The following XPR1 variants were observed in gnomAD, a reference collection of about 807,000 sequenced individuals.
XPR1 encodes xenotropic and polytropic retrovirus receptor 1, also known as solute carrier family 53 member 1.
A neutral mutation model predicts 87.5 loss-of-function variants in XPR1; 28 were observed. The observed-to-expected ratio is 0.32, with a 90% CI of 0.24 to 0.44. The LOEUF (loss-of-function observed/expected upper bound fraction) is 0.44, where lower values mean the gene tolerates loss of function less well. Among genes scored for constraint, XPR1 ranks in the 20% least tolerant of loss-of-function variants. The pLI is 1.00. For synonymous variants in XPR1, 300 were observed against 306.1 expected (o/e 0.98, Z 0.21); for missense variants, 559 against 862.3 (o/e 0.65, Z 4.41).
chr1:180,710,312 A>G (rs1657718768), intron 2 of XPR1, among the ~76,000 whole-genome samples: 1 of 151,764 alleles, frequency 6.6e-6, no homozygotes, highest in African/African-American at 2.4e-5. Context: ...ACAAGTGAAC[A>G]AAGGTCTCTG....
intron 2 of XPR1, among the ~76,000 whole-genome samples, chr1:180,695,056 T>C (rs1657117976): frequency 6.6e-6 from 1 of 152,158 alleles, no homozygotes; most frequent in African/African-American, 2.4e-5. Flanking sequence ...TCAGCAGTAT[T>C]GTTATTTTTG....
intron 1 of XPR1, among the ~76,000 whole-genome samples, chr1:180,654,815 GT>G (rs2101907758): frequency 6.6e-6 from 1 of 152,120 alleles, no homozygotes; most frequent in East Asian, 1.9e-4. Context: ...TTGCCTTCAT[GT>G]TTAGCTATTG....
chr1:180,721,959 G>T (rs974359996), intron 2 of XPR1, among the ~76,000 whole-genome samples: 7 of 152,060 alleles, frequency 4.6e-5, no homozygotes, highest in African/African-American at 1.4e-4. Flanking sequence ...TAAGTTTTTG[G>T]AGAGTCAAAA....
At chr1:180,769,045 T>G (rs1319847735) in intron 2 of XPR1, among the ~76,000 whole-genome samples, 1 of 151,848 alleles carries the variant, frequency 6.6e-6, no homozygotes, top group Non-Finnish European at 1.5e-5. Flanking sequence ...TCAAATTGTC[T>G]GCAGCAAAAA....
rs149930414 is a variant in XPR1 at position 180,873,904 on chromosome 1, C to T, written c.1770C>T (p.Asp590=). ...CAACTTTGTTGCCTCATTCTGGGGA[C>T]ATCATTGCTACTGTCTTTGCCCCAC... ...TSTTLLPHSG[D]IIATVFAPLE... is the part of the protein sequence containing the mutation. Residue 590 remains aspartate, a synonymous_variant, in exon 13 of 15, where the codon GAC becomes GAT. Transcript: ENST00000367590. 2 of 1,614,070 alleles carry T rather than the reference C, an allele frequency of 1.2e-6. No individual in the cohort carries two copies. The highest frequency in any genetic ancestry group is 4.5e-5 in the East Asian group (2 of 44,872).
intron 3 of XPR1, among the ~76,000 whole-genome samples, chr1:180,796,204 G>T (rs1649569098): frequency 6.6e-6 from 1 of 152,104 alleles, no homozygotes. Flanking sequence ...CAGGTTCTGT[G>T]CAGTCCCATG....
chr1:180,756,656 C>A (rs1647760740), intron 2 of XPR1, among the ~76,000 whole-genome samples: 2 of 152,132 alleles, frequency 1.3e-5, no homozygotes, highest in South Asian at 4.2e-4. Context: ...ATTTTTCTTT[C>A]ATTCATTGTG....
chr1:180,671,988 C>G (rs1656197377), intron 1 of XPR1, among the ~76,000 whole-genome samples: 1 of 152,022 alleles, frequency 6.6e-6, no homozygotes, highest in Non-Finnish European at 1.5e-5. Flanking sequence ...AGAAATAAAG[C>G]CTTAAGAAGA....
At chr1:180,830,217 C>T (rs546045525) in intron 9 of XPR1, among the ~76,000 whole-genome samples, 1 of 152,290 alleles carries the variant, frequency 6.6e-6, no homozygotes, top group South Asian at 2.1e-4. Flanking sequence ...ATCCTACAGT[C>T]CCCCTCTTCC....
intron 9 of XPR1, among the ~76,000 whole-genome samples, chr1:180,831,662 G>A (rs935318360): frequency 6.7e-6 from 1 of 148,426 alleles, no homozygotes; most frequent in African/African-American, 2.5e-5. Flanking sequence ...TTTTGTGTTT[G>A]TGTGTTAGTT....
chr1:180,697,606 A>C (rs1211214425), intron 2 of XPR1, among the ~76,000 whole-genome samples: 1 of 151,974 alleles, frequency 6.6e-6, no homozygotes, highest in African/African-American at 2.4e-5. Context: ...TTTCCTCAGC[A>C]CTGTTTTAAC....
chr1:180,809,545 A>G (rs1650134804), intron 6 of XPR1, among the ~76,000 whole-genome samples: 1 of 152,218 alleles, frequency 6.6e-6, no homozygotes, highest in African/African-American at 2.4e-5. Context: ...TACTTTAAGT[A>G]TGTGCAATTT....
chr1:180,716,326 T>C (rs1657994279), intron 2 of XPR1, among the ~76,000 whole-genome samples: 1 of 151,842 alleles, frequency 6.6e-6, no homozygotes, highest in African/African-American at 2.4e-5. Context: ...TCGCCTCAGG[T>C]GATCCTCCTG....
intron 1 of XPR1, among the ~76,000 whole-genome samples, chr1:180,656,366 ATAT>A (rs1655472164): frequency 9.2e-6 from 1 of 108,740 alleles, no homozygotes; most frequent in African/African-American, 3.4e-5. Flanking sequence ...TATATATATA[ATAT>A]TTATATATAA....
intron 2 of XPR1, among the ~76,000 whole-genome samples, chr1:180,748,862 T>C (rs1004230107): frequency 2.6e-5 from 4 of 152,186 alleles, no homozygotes; most frequent in Admixed American, 2.0e-4. Context: ...TTGGCAAATA[T>C]GCAAATCACA....
chr1:180,690,877 A>G (rs1020082469), intron 2 of XPR1, among the ~76,000 whole-genome samples: 6 of 151,720 alleles, frequency 4.0e-5, no homozygotes, highest in Non-Finnish European at 5.9e-5. Flanking sequence ...TGTACTGTTT[A>G]TAAAAAAAGG....
At chr1:180,738,237 C>G (rs932648816) in intron 2 of XPR1, among the ~76,000 whole-genome samples, 1 of 152,116 alleles carries the variant, frequency 6.6e-6, no homozygotes, top group African/African-American at 2.4e-5. Context: ...GTCTCAAACT[C>G]CTGAACTCAA....
intron 2 of XPR1, among the ~76,000 whole-genome samples, chr1:180,748,400 CTTTTTTTTTTTTTTTTT>C (rs71297873): frequency 0.03 from 883 of 29,740 alleles, 13 homozygotes; most frequent in Non-Finnish European, 0.039. Flanking sequence ...TTATTTATGT[CTTTTTTTTTTTTTTTTT>C]TTTTTTTTTT....
intron 1 of XPR1, among the ~76,000 whole-genome samples, chr1:180,675,303 G>A (rs1656327508): frequency 6.6e-6 from 1 of 152,098 alleles, no homozygotes. Flanking sequence ...CAAAAGAAAA[G>A]GAGCAGACAG....
Sources: allele counts gnomAD v4.1 joint callset (sites outside exome capture counted in the v4.1 genomes callset), GRCh38; gene constraint gnomAD v4.1.1; transcripts MANE v1.5; gene names NCBI Gene and HGNC (gene_info 2026-07-23, HGNC 2026-07-21).